DNAH9: variants seen among roughly 807,000 people sequenced by gnomAD.
The protein encoded by DNAH9 is DNAH9 variant protein.
In DNAH9, 345 loss-of-function variants were observed where a neutral mutation model predicts 471.6. That is an observed-to-expected ratio of 0.73 (90% confidence interval 0.67 to 0.80). The LOEUF (loss-of-function observed/expected upper bound fraction) is 0.80, where lower values mean the gene tolerates loss of function less well. Ranked by LOEUF, DNAH9 falls within the 30% of genes least tolerant of loss-of-function variation. The pLI, the probability that DNAH9 is intolerant of heterozygous loss-of-function variation, is 0.00. For missense variants in DNAH9, 5,407 were observed against 5,609.2 expected, an observed-to-expected ratio of 0.96 and a Z score of 1.15; for synonymous variants, 2,093 against 2,123.6, an observed-to-expected ratio of 0.99 and a Z score of 0.40.
intron 38 of DNAH9, among the ~76,000 whole-genome samples, chr17:11,774,973 A>G (rs1968363858): frequency 6.6e-6 from 1 of 152,222 alleles, no homozygotes; most frequent in South Asian, 2.1e-4. Flanking sequence ...AATGAACATA[A>G]CCGTCACCTC....
chr17:11,898,143 T>C (rs957785504), intron 59 of DNAH9, among the ~76,000 whole-genome samples: 9 of 151,798 alleles, frequency 5.9e-5, no homozygotes, highest in East Asian at 1.9e-4. Context: ...TTTTTTTTTT[T>C]GAGGCGGAGT....
At chr17:11,666,148 G>A (rs1036454509) in intron 15 of DNAH9, among the ~76,000 whole-genome samples, 4 of 152,188 alleles carry the variant, frequency 2.6e-5, no homozygotes, top group Admixed American at 2.0e-4. Context: ...CACCAAGTCT[G>A]GATAACTGGC....
chr17:11,807,095 G>A (rs1448740508), intron 43 of DNAH9, among the ~76,000 whole-genome samples: 1 of 152,090 alleles, frequency 6.6e-6, no homozygotes, highest in Non-Finnish European at 1.5e-5. Flanking sequence ...GCTGTGAAGG[G>A]AGGAATCCAG....
intron 53 of DNAH9, among the ~76,000 whole-genome samples, chr17:11,877,158 A>G (rs1351425285): frequency 6.6e-6 from 1 of 151,498 alleles, no homozygotes; most frequent in African/African-American, 2.4e-5. Context: ...TAAATATATT[A>G]ATTAATAAAT....
chr17:11,860,791 C>T (rs1021768015), intron 50 of DNAH9, among the ~76,000 whole-genome samples: 10 of 152,072 alleles, frequency 6.6e-5, no homozygotes, highest in African/African-American at 2.4e-4. Flanking sequence ...GAACTCCCGA[C>T]CTCAGGTGAT....
chr17:11,719,197 T>A, intron 26 of DNAH9, 137 bp from the exon 27 acceptor site: 1 of 791,700 alleles, frequency 1.3e-6, no homozygotes. Flanking sequence ...CCCACAGTGC[T>A]GTGGGGAGCG....
At position 11,610,495 on chromosome 17, in the gene DNAH9, G is replaced by A. The variant is rs1287553075; in HGVS notation, c.714G>A (p.Gln238=). ...TGGTACTCAAGAGAGAGTCTTCCCA[G>A]CCACTCTTACAAGGGGAGAATCCCA... The part of the protein sequence containing the change: ...VQVVLKRESS[Q]PLLQGENPTP... Residue 238 remains glutamine, a synonymous_variant, in exon 3 of 69, where the codon CAG becomes CAA. Coordinates refer to ENST00000262442, the MANE Select transcript of DNAH9 (RefSeq NM_001372.4). 6.2e-7 allele frequency: 1 copy of A among 1,613,604 alleles called. No homozygotes were observed. Among genetic ancestry groups the A allele is most frequent in the Non-Finnish European group, 8.5e-7 (1 of 1,179,958 alleles).
intron 38 of DNAH9, among the ~76,000 whole-genome samples, chr17:11,779,418 A>G (rs967971449): frequency 6.6e-6 from 1 of 152,166 alleles, no homozygotes; most frequent in African/African-American, 2.4e-5. Context: ...AGCATGGCCA[A>G]GAAGGGATCA....
Position 11,680,750 on chromosome 17 carries a change from A to G in DNAH9, c.3604A>G (p.Lys1202Glu). 1 of 1,614,090 alleles carries G rather than the reference A, an allele frequency of 6.2e-7. No homozygotes were observed. Among genetic ancestry groups the G allele is most frequent in the South Asian group, 1.1e-5 (1 of 91,052 alleles). The stretch of plus-strand genomic sequence containing the variant: ...GCTGCCTGAGAAATGGAACAACATA[A>G]AAAAGGTGGCCATTACTGTGAAGCA... The part of the protein sequence containing the change: ...EELPEKWNNI[K>E]KVAITVKQQV... The change falls in exon 19 of 69, where the codon AAA becomes GAA. Residue 1202 changes from lysine to glutamate, a missense_variant. By Grantham distance (56) the Lys-to-Glu change is moderately conservative. Transcript: ENST00000262442.
At chr17:11,762,874 G>A (rs182878557) in intron 35 of DNAH9, among the ~76,000 whole-genome samples, 256 of 145,654 alleles carry the variant, frequency 1.8e-3, no homozygotes, top group Non-Finnish European at 2.9e-3. Flanking sequence ...CCGCCTCCCG[G>A]GTTCACGCCA....
At chr17:11,651,347 C>A in intron 13 of DNAH9, 23 bp downstream of exon 13, 1 of 1,594,832 alleles carries the variant, frequency 6.3e-7, no homozygotes, top group Non-Finnish European at 8.5e-7. Flanking sequence ...CATCTGAAGT[C>A]TGACAAAAAC....
intron 34 of DNAH9, 48 bp from the exon 35 acceptor site, chr17:11,757,497 A>G: frequency 1.3e-6 from 2 of 1,501,886 alleles, no homozygotes; most frequent in African/African-American, 2.8e-5. Flanking sequence ...TGAAAAATAT[A>G]ATGATGTATA....
chr17:11,916,732 T>C (rs1397767736), intron 61 of DNAH9, among the ~76,000 whole-genome samples: 1 of 152,244 alleles, frequency 6.6e-6, no homozygotes, highest in Non-Finnish European at 1.5e-5. Context: ...TTAAATTCTT[T>C]ACTCCTTCAT....
chr17:11,919,339 C>T (rs1485418212), intron 61 of DNAH9, among the ~76,000 whole-genome samples: 5 of 151,208 alleles, frequency 3.3e-5, no homozygotes, highest in Admixed American at 3.3e-4. Context: ...ACTAAAAATA[C>T]AAAAAATTAG....
chr17:11,676,376 G>A (rs1050656943), intron 17 of DNAH9, among the ~76,000 whole-genome samples: 34 of 147,880 alleles, frequency 2.3e-4, no homozygotes, highest in African/African-American at 8.6e-4. Flanking sequence ...TCCACCTCCC[G>A]GGTTCAAGTG....
chr17:11,791,766 C>T (rs113020129), intron 41 of DNAH9, among the ~76,000 whole-genome samples: 2,857 of 152,038 alleles, frequency 0.019, 80 homozygotes, highest in African/African-American at 0.065. Context: ...ATAATCGAGA[C>T]GTATACATAA....
intron 8 of DNAH9, 47 bp from the exon 9 acceptor site, chr17:11,636,587 G>A (rs374886127): frequency 1.3e-6 from 2 of 1,539,850 alleles, no homozygotes; most frequent in South Asian, 1.1e-5. Flanking sequence ...CCATGGAAAG[G>A]TTTAATCTGT....
At position 11,902,830 on chromosome 17, in the gene DNAH9, C is replaced by T. The variant is rs1364593438; in HGVS notation, c.11518C>T (p.Gln3840Ter). 6.2e-7 allele frequency: 1 copy of T among 1,614,030 alleles called. No homozygotes were observed. Among genetic ancestry groups the T allele is most frequent in the South Asian group, 1.1e-5 (1 of 91,080 alleles). The change falls in exon 60 of 69, where the codon CAG becomes TAG. Residue 3840 changes from glutamine to a stop codon, truncating the protein, a stop_gained. Transcript: ENST00000262442. LOFTEE classifies it high-confidence loss of function. ...SECPEKEKLP[Q>*]EWKNKTALQR... ...ATGTCCTGAGAAAGAGAAGCTCCCA[C>T]AGGAGTGGAAGAACAAGACAGCCCT...
intron 54 of DNAH9, 79 bp from the exon 55 acceptor site, chr17:11,881,130 T>C: frequency 7.4e-7 from 1 of 1,348,472 alleles, no homozygotes; most frequent in Non-Finnish European, 1.1e-6. Context: ...CAATATTGTT[T>C]GAAAAAAATC....
Sources: allele counts gnomAD v4.1 joint callset (sites outside exome capture counted in the v4.1 genomes callset), GRCh38; gene constraint gnomAD v4.1.1; transcripts MANE v1.5; gene names NCBI Gene and HGNC (gene_info 2026-07-23, HGNC 2026-07-21).